The following LRRTM4 variants were observed in gnomAD, a reference collection of about 807,000 sequenced individuals.
LRRTM4 encodes leucine-rich repeat transmembrane neuronal protein 4.
A neutral mutation model predicts 47.6 loss-of-function variants in LRRTM4; 25 were observed. The observed-to-expected ratio is 0.53, with a 90% confidence interval of 0.38 to 0.73. The LOEUF is 0.73. LRRTM4 is among the 30% of genes least tolerant of loss of function. LRRTM4 has a pLI of 0.00. For missense variants in LRRTM4, 638 were observed against 713.4 expected (o/e 0.89, Z 1.20); for synonymous variants, 311 against 269.5 (o/e 1.15, Z -1.51).
At chr2:76,987,363 A>G (rs190919862) in intron 3 of LRRTM4, 3 of 152,012 alleles carry the variant, frequency 2.0e-5, no homozygotes, top group East Asian at 1.9e-4. Flanking sequence ...AAGAATTATC[A>G]TAATTGACCT....
At chr2:77,139,417 T>A (rs1672049228) in intron 3 of LRRTM4, among the ~76,000 whole-genome samples, 1 of 152,156 alleles carries the variant, frequency 6.6e-6, no homozygotes, top group South Asian at 2.1e-4. Context: ...TTTGACAAAA[T>A]TCAACAGCCT....
intron 3 of LRRTM4, among the ~76,000 whole-genome samples, chr2:76,922,649 C>A (rs1184720201): frequency 1.3e-5 from 2 of 151,666 alleles, no homozygotes; most frequent in African/African-American, 2.4e-5. Context: ...AGATGTTGGT[C>A]AAAGCATAAA....
intron 3 of LRRTM4, among the ~76,000 whole-genome samples, chr2:76,958,988 A>G (rs929801265): frequency 2.0e-5 from 3 of 151,560 alleles, no homozygotes; most frequent in African/African-American, 7.3e-5. Flanking sequence ...TGAAAAGGGA[A>G]GCAGCCACAC....
At chr2:77,434,228 A>G (rs2103912274) in intron 3 of LRRTM4, among the ~76,000 whole-genome samples, 1 of 147,478 alleles carries the variant, frequency 6.8e-6, no homozygotes, top group Middle Eastern at 3.5e-3. Flanking sequence ...ACTTTTTTTT[A>G]TCAGATCCCA....
At chr2:77,230,643 A>G (rs1414583065) in intron 3 of LRRTM4, among the ~76,000 whole-genome samples, 3 of 152,056 alleles carry the variant, frequency 2.0e-5, no homozygotes, top group East Asian at 3.9e-4. Context: ...TTCTTCATCT[A>G]TGTAATCGGG....
At chr2:77,502,933 A>T (rs1276604129) in intron 3 of LRRTM4, among the ~76,000 whole-genome samples, 3 of 150,786 alleles carry the variant, frequency 2.0e-5, no homozygotes, top group Admixed American at 6.6e-5. Flanking sequence ...TGCAAATAAG[A>T]GGAAAACAAA....
chr2:77,128,294 G>T (rs1247423218), intron 3 of LRRTM4, among the ~76,000 whole-genome samples: 1 of 152,114 alleles, frequency 6.6e-6, no homozygotes, highest in Non-Finnish European at 1.5e-5. Context: ...TCATTTTAAA[G>T]CAGTTGGTAT....
chr2:77,100,964 T>C (rs1286193207), intron 3 of LRRTM4, among the ~76,000 whole-genome samples: 3 of 151,464 alleles, frequency 2.0e-5, no homozygotes, highest in Non-Finnish European at 2.9e-5. Flanking sequence ...GCCTCCCAAG[T>C]AGCTGGGATT....
At chr2:77,056,267 G>A (rs916433686) in intron 3 of LRRTM4, among the ~76,000 whole-genome samples, 4 of 152,096 alleles carry the variant, frequency 2.6e-5, no homozygotes, top group African/African-American at 9.7e-5. Flanking sequence ...TAAATGCATT[G>A]AAGAAGATGC....
intron 3 of LRRTM4, among the ~76,000 whole-genome samples, chr2:76,800,666 A>C (rs567037276): frequency 3.2e-5 from 4 of 126,810 alleles, no homozygotes; most frequent in Non-Finnish European, 6.5e-5. Context: ...GTGAACAGGC[A>C]ACCTACAAAA....
chr2:77,074,462 GC>G (rs1487504225), intron 3 of LRRTM4, among the ~76,000 whole-genome samples: 1 of 151,910 alleles, frequency 6.6e-6, no homozygotes, highest in Non-Finnish European at 1.5e-5. Flanking sequence ...GTCCTCTACT[GC>G]TTGGAATTAT....
intron 3 of LRRTM4, among the ~76,000 whole-genome samples, chr2:76,993,285 G>A (rs919436284): frequency 6.6e-6 from 1 of 151,696 alleles, no homozygotes; most frequent in African/African-American, 2.4e-5. Context: ...ACTAATTAAA[G>A]GAGCTTTTGC....
intron 3 of LRRTM4, among the ~76,000 whole-genome samples, chr2:77,302,389 A>T (rs941885285): frequency 1.3e-5 from 2 of 152,198 alleles, no homozygotes; most frequent in African/African-American, 4.8e-5. Flanking sequence ...CTTATTTTTA[A>T]TCACTGAACA....
chr2:77,129,502 A>G (rs1373364761), intron 3 of LRRTM4, among the ~76,000 whole-genome samples: 1 of 152,162 alleles, frequency 6.6e-6, no homozygotes, highest in Non-Finnish European at 1.5e-5. Context: ...CAGAAAAGGG[A>G]GTTATCAGAA....
intron 3 of LRRTM4, among the ~76,000 whole-genome samples, chr2:77,164,811 G>A (rs555180634): frequency 2.4e-4 from 36 of 152,294 alleles, no homozygotes; most frequent in African/African-American, 8.2e-4. Context: ...CACATTTAAA[G>A]CAGTGTGTAG....
intron 3 of LRRTM4, among the ~76,000 whole-genome samples, chr2:76,922,316 C>A (rs1674456787): frequency 6.6e-6 from 1 of 152,070 alleles, no homozygotes; most frequent in Admixed American, 6.6e-5. Flanking sequence ...AGCTTACAAT[C>A]ATGGCAGAAG....
chr2:77,386,641 G>C (rs1195584839), intron 3 of LRRTM4, among the ~76,000 whole-genome samples: 1 of 152,090 alleles, frequency 6.6e-6, no homozygotes, highest in East Asian at 1.9e-4. Flanking sequence ...TGGGTCAAAT[G>C]GTATTTCTGG....
intron 3 of LRRTM4, among the ~76,000 whole-genome samples, chr2:76,839,467 A>C (rs142632047): frequency 9.5e-4 from 145 of 152,262 alleles, no homozygotes; most frequent in Non-Finnish European, 1.2e-3. Flanking sequence ...GTAATTTGAA[A>C]ATTTACAAGC....
intron 3 of LRRTM4, among the ~76,000 whole-genome samples, chr2:77,143,518 T>C (rs556642585): frequency 6.6e-6 from 1 of 152,306 alleles, no homozygotes; most frequent in Admixed American, 6.5e-5. Flanking sequence ...TCTGTTTCAA[T>C]ATTGTGATCT....
Sources: allele counts gnomAD v4.1 joint callset (sites outside exome capture counted in the v4.1 genomes callset), GRCh38; gene constraint gnomAD v4.1.1; transcripts MANE v1.5; gene names NCBI Gene and HGNC (gene_info 2026-07-23, HGNC 2026-07-21).